CGNL1: variants seen among roughly 807,000 people sequenced by gnomAD.
CGNL1 encodes the protein cingulin like 1.
In CGNL1, 132 loss-of-function variants were observed where a neutral mutation model predicts 141.2. The observed-to-expected ratio is 0.93, with a 90% CI of 0.81 to 1.08. The LOEUF is 1.08. Ranked by LOEUF, CGNL1 falls within the 50% of genes least tolerant of loss-of-function variation. The probability of loss-of-function intolerance (pLI) is 0.00; values close to 1 mark genes in which losing one functional copy is unlikely to be tolerated. For missense variants in CGNL1, 1,870 were observed against 1,588.6 expected (o/e 1.18, Z -3.01); for synonymous variants, 690 against 622.1 (o/e 1.11, Z -1.63).
intron 14 of CGNL1, among the ~76,000 whole-genome samples, chr15:57,534,998 A>T (rs2032175205): frequency 6.6e-6 from 1 of 152,036 alleles, no homozygotes; most frequent in Admixed American, 6.5e-5. Flanking sequence ...TAAGCCACAA[A>T]AAAGGTTTTC....
chr15:57,494,481 C>A (rs1236282356), intron 8 of CGNL1, among the ~76,000 whole-genome samples: 1 of 152,078 alleles, frequency 6.6e-6, no homozygotes, highest in African/African-American at 2.4e-5. Context: ...CATTTAACAC[C>A]CTTCATTTAT....
chr15:57,506,787 C>A (rs2064109403), intron 8 of CGNL1, among the ~76,000 whole-genome samples: 1 of 152,188 alleles, frequency 6.6e-6, no homozygotes, highest in Admixed American at 6.5e-5. Flanking sequence ...GTGTCTGAAA[C>A]ATTGCTAGGT....
At chr15:57,484,889 C>G (rs1419290891) in intron 8 of CGNL1, among the ~76,000 whole-genome samples, 1 of 150,890 alleles carries the variant, frequency 6.6e-6, no homozygotes, top group South Asian at 2.1e-4. Flanking sequence ...GATATGAACT[C>G]ATTCTTTTAA....
chr15:57,484,150 T>A (rs1485875403), intron 8 of CGNL1, among the ~76,000 whole-genome samples: 1 of 152,232 alleles, frequency 6.6e-6, no homozygotes. Context: ...CTTCCTCTTC[T>A]ATTTTCTGGA....
chr15:57,518,900 G>A (rs1455953155), intron 10 of CGNL1, among the ~76,000 whole-genome samples: 2 of 152,218 alleles, frequency 1.3e-5, no homozygotes, highest in African/African-American at 4.8e-5. Context: ...TAAAATATGA[G>A]TGGTGTGAGA....
At chr15:57,388,495 C>A (rs1226880585) in intron 1 of CGNL1, among the ~76,000 whole-genome samples, 1 of 152,174 alleles carries the variant, frequency 6.6e-6, no homozygotes, top group Non-Finnish European at 1.5e-5. Context: ...GGGTTCTGTT[C>A]TATGAATTCT....
At chr15:57,393,398 G>T (rs2062564512) in intron 1 of CGNL1, among the ~76,000 whole-genome samples, 1 of 152,160 alleles carries the variant, frequency 6.6e-6, no homozygotes, top group South Asian at 2.1e-4. Context: ...CTCCTCTGCT[G>T]CAGGGTGAAG....
At chr15:57,442,646 A>C (rs1290458623) in intron 4 of CGNL1, among the ~76,000 whole-genome samples, 168 bp downstream of exon 4, 1 of 152,152 alleles carries the variant, frequency 6.6e-6, no homozygotes, top group Non-Finnish European at 1.5e-5. Context: ...TTATTGAGAC[A>C]GAGTCTCTGT....
intron 8 of CGNL1, among the ~76,000 whole-genome samples, chr15:57,504,522 A>G (rs759496442): frequency 5.3e-5 from 8 of 152,214 alleles, no homozygotes; most frequent in African/African-American, 1.9e-4. Context: ...GATAGGCTAG[A>G]TGATGTTGCA....
At chr15:57,402,233 G>C (rs918690008) in intron 1 of CGNL1, among the ~76,000 whole-genome samples, 18 of 152,316 alleles carry the variant, frequency 1.2e-4, no homozygotes, top group Non-Finnish European at 1.5e-5. Context: ...TTTCATGTGA[G>C]AGCTGGTTGC....
intron 8 of CGNL1, among the ~76,000 whole-genome samples, chr15:57,511,008 C>T (rs1045400918): frequency 6.8e-5 from 10 of 146,074 alleles, no homozygotes; most frequent in South Asian, 2.4e-4. Context: ...TGGCCGAGGA[C>T]GTGGGTTGTT....
intron 1 of CGNL1, among the ~76,000 whole-genome samples, chr15:57,434,240 A>G (rs1284369793): frequency 1.3e-5 from 2 of 152,236 alleles, no homozygotes; most frequent in African/African-American, 4.8e-5. Context: ...TTAGAGAACA[A>G]GAAAGAGCTA....
At position 57,417,321 on chromosome 15, in the gene CGNL1, T is replaced by C. The variant is rs185872999; in HGVS notation, c.-15-20664T>C. ...GGATCTTAGCTCACTGCAGCCTCCA[T>C]CTCCTGGGTTCAAGCAATTCTCATG... On this transcript the variant is annotated intron_variant, in intron 1 of 18. Coordinates refer to ENST00000281282, the MANE Select transcript of CGNL1 (RefSeq NM_032866.5). 3.9e-5 allele frequency among the ~76,000 whole-genome samples: 6 copies of C among 152,220 alleles called. No individual in the cohort carries two copies. The East Asian group carries it at 1.2e-3, about 29-fold the overall frequency.
intron 8 of CGNL1, among the ~76,000 whole-genome samples, chr15:57,464,336 T>C (rs574363166): frequency 2.4e-4 from 36 of 152,254 alleles, no homozygotes; most frequent in African/African-American, 8.7e-4. Flanking sequence ...TGGATGTTTC[T>C]GTGAGATCTC....
chr15:57,407,667 C>T (rs944478759), intron 1 of CGNL1, among the ~76,000 whole-genome samples: 7 of 151,942 alleles, frequency 4.6e-5, no homozygotes, highest in Non-Finnish European at 1.0e-4. Flanking sequence ...CAGAGTGAGA[C>T]CCTGTCTCAG....
intron 8 of CGNL1, among the ~76,000 whole-genome samples, chr15:57,467,961 A>T (rs1423979648): frequency 2.0e-5 from 3 of 152,160 alleles, no homozygotes; most frequent in African/African-American, 7.2e-5. Flanking sequence ...AAGTACTGGG[A>T]TTACAGGCAT....
intron 14 of CGNL1, among the ~76,000 whole-genome samples, chr15:57,538,167 T>C (rs2032367784): frequency 6.6e-6 from 1 of 152,256 alleles, no homozygotes; most frequent in African/African-American, 2.4e-5. Context: ...TTGAAACCCA[T>C]CCTTCTTGGG....
At chr15:57,543,625 G>A in intron 14 of CGNL1, 71 bp from the exon 15 acceptor site, 1 of 1,364,376 alleles carries the variant, frequency 7.3e-7, no homozygotes, top group Non-Finnish European at 1.0e-6. Context: ...TCAGTTCCTT[G>A]CCACCATTTC....
chr15:57,380,556 A>T (rs2062413078), intron 1 of CGNL1, among the ~76,000 whole-genome samples: 1 of 152,188 alleles, frequency 6.6e-6, no homozygotes, highest in Admixed American at 6.5e-5. Context: ...TCATTGGCAC[A>T]GGAGGCATAA....
Sources: allele counts gnomAD v4.1 joint callset (sites outside exome capture counted in the v4.1 genomes callset), GRCh38; gene constraint gnomAD v4.1.1; transcripts MANE v1.5; gene names NCBI Gene and HGNC (gene_info 2026-07-23, HGNC 2026-07-21).